Variants in MAP3K8 observed in about 807,000 individuals in gnomAD.
MAP3K8 encodes the protein mitogen-activated protein kinase kinase kinase 8.
A neutral mutation model predicts 45.8 loss-of-function variants in MAP3K8; 22 were observed. The ratio of observed to expected loss-of-function variants is 0.48; its 90% CI spans 0.34 to 0.69. The LOEUF is 0.69. Among genes scored for constraint, MAP3K8 ranks in the 30% least tolerant of loss-of-function variants. The pLI is 0.01. For missense variants in MAP3K8, 419 were observed against 585.0 expected (o/e 0.72, Z 2.93); for synonymous variants, 223 against 214.3 (o/e 1.04, Z -0.36).
In MAP3K8 at chr10:30,439,236, G is replaced by A. The variant is rs780656361; in HGVS notation, c.298G>A (p.Gly100Arg). The change falls in exon 3 of 9, where the codon GGA becomes AGA. Residue 100 changes from glycine (G) to arginine (R), a missense_variant. By Grantham distance (125) the Gly-to-Arg change is moderately radical. Coordinates refer to ENST00000263056, the MANE Select transcript of MAP3K8 (RefSeq NM_005204.4). ...HISNTAKHFY[G>R]QRPQESGILL... ...ATCCAACACTGCAAAGCATTTTTAT[G>A]GACAACGACCACAGGAATCTGGAAT... is the stretch of plus-strand genomic sequence containing the variant. The A allele has an allele frequency of 3.1e-6, 5 of 1,614,150 alleles. No homozygotes were observed. Among genetic ancestry groups the A allele is most frequent in the South Asian group, 1.1e-5 (1 of 91,082 alleles).
At chr10:30,455,742 G>A (rs1029618637) in intron 6 of MAP3K8, among the ~76,000 whole-genome samples, 2 of 152,152 alleles carry the variant, frequency 1.3e-5, no homozygotes, top group African/African-American at 2.4e-5. Flanking sequence ...TGAAGGGTTC[G>A]ATCGCTGACA....
chr10:30,451,128 A>G (rs891380218), intron 5 of MAP3K8, among the ~76,000 whole-genome samples: 3 of 151,952 alleles, frequency 2.0e-5, no homozygotes, highest in Admixed American at 6.6e-5. Flanking sequence ...ACTTAAAAAC[A>G]TACAAACACA....
At chr10:30,445,558 C>T (rs139823748) in intron 3 of MAP3K8, among the ~76,000 whole-genome samples, 5 of 152,212 alleles carry the variant, frequency 3.3e-5, no homozygotes, top group African/African-American at 9.6e-5. Context: ...TGACAAGAAA[C>T]GGAAAATCAG....
chr10:30,454,899 A>T (rs1300113801), intron 6 of MAP3K8, among the ~76,000 whole-genome samples: 2 of 152,164 alleles, frequency 1.3e-5, no homozygotes, highest in Non-Finnish European at 2.9e-5. Context: ...CAGATATGTA[A>T]TATTCCACCA....
At position 30,447,819 on chromosome 10, in the gene MAP3K8, C is replaced by G. The variant is rs764373700; in HGVS notation, c.374C>G (p.Ser125Cys). The G allele has an allele frequency of 1.2e-6, 2 of 1,613,752 alleles. No individual in the cohort carries two copies. Among genetic ancestry groups the G allele is most frequent in the Non-Finnish European group, 1.7e-6 (2 of 1,179,858 alleles). Residue 125 changes from serine to cysteine, a missense_variant, in exon 4 of 9, where the codon TCC becomes TGC. By Grantham distance (112) the Ser-to-Cys change is moderately radical. Around this residue, in one of 3 missense-constraint regions of MAP3K8, gnomAD observed 209 missense variants for 367.3 expected, o/e 0.57. Coordinates refer to ENST00000263056, the MANE Select transcript of MAP3K8 (RefSeq NM_005204.4). Reference protein sequence around the residue: ...TPQNGRYQIDSDVLLIPWKLT... With the variant: ...TPQNGRYQIDCDVLLIPWKLT... ...CAAAATGGACGTTACCAAATAGATT[C>G]CGATGTTCTCCTGATCCCCTGGAAG...
intron 6 of MAP3K8, among the ~76,000 whole-genome samples, chr10:30,452,358 A>G (rs1300910831): frequency 6.6e-6 from 1 of 151,834 alleles, no homozygotes; most frequent in South Asian, 2.1e-4. Context: ...AATCCCAGCT[A>G]CTCGGGAGGC....
At chr10:30,451,500 A>G in intron 5 of MAP3K8, 138 bp from the exon 6 acceptor site, 1 of 484,460 alleles carries the variant, frequency 2.1e-6, no homozygotes, top group Non-Finnish European at 3.7e-6. Flanking sequence ...CCTCTTTTGA[A>G]TATAATACAA....
Position 30,439,117 on chromosome 10 carries a change from C to T in MAP3K8, c.179C>T (p.Ser60Phe). The T allele has an allele frequency of 6.2e-7, 1 of 1,614,200 alleles. No individual in the cohort carries two copies. Among genetic ancestry groups the T allele is most frequent in the Non-Finnish European group, 8.5e-7 (1 of 1,180,028 alleles). The stretch of plus-strand genomic sequence containing the variant: ...GACAGTAATCAAAACGATGAGCGTT[C>T]TAAGTCTCTGCTGCTTAGTGGCCAA... ...CQDSNQNDERSKSLLLSGQEV... is the reference protein window; with the variant it reads ...CQDSNQNDERFKSLLLSGQEV... The change falls in exon 3 of 9, where the codon TCT (serine) becomes TTT (phenylalanine). Residue 60 changes from serine (S) to phenylalanine (F), a missense_variant. Physicochemically the swap from Ser to Phe is radical, Grantham distance 155. This residue lies in a region of MAP3K8 where 102 missense variants were observed against 93.5 expected (regional missense o/e 1.09). Coordinates refer to ENST00000263056, the MANE Select transcript of MAP3K8 (RefSeq NM_005204.4).
rs1414567893 is a variant in MAP3K8 at position 30,460,695 on chromosome 10, T to G, written c.1274-11T>G. 1 of 1,598,872 alleles carries G rather than the reference T, an allele frequency of 6.3e-7. No homozygotes were observed. On this transcript the variant is annotated splice_polypyrimidine_tract_variant and intron_variant, in intron 8 of 8. Coordinates refer to ENST00000263056, the MANE Select transcript of MAP3K8 (RefSeq NM_005204.4). ...TTCTTGTTACTTACTTTGTAATGTT[T>G]TCCTTTTCAGATTCTTCGTGCACAG... is the stretch of plus-strand genomic sequence containing the variant.
rs1836544538 is a variant in MAP3K8, at chr10:30,451,694, G to A, written c.823G>A (p.Val275Ile). Reference protein sequence around the residue: ...KAVLVDFGLSVQMTEDVYFPK... With the variant: ...KAVLVDFGLSIQMTEDVYFPK... ...TGTTTTGGTGGATTTTGGCCTAAGT[G>A]TTCAAATGACCGAAGATGTCTATTT... The change falls in exon 6 of 9, where the codon GTT becomes ATT. Residue 275 changes from valine to isoleucine, a missense_variant. Val to Ile is a conservative substitution (Grantham distance 29, BLOSUM62 3). This residue lies in a region of MAP3K8 where 209 missense variants were observed against 367.3 expected (regional missense o/e 0.57). Coordinates refer to ENST00000263056, the MANE Select transcript of MAP3K8 (RefSeq NM_005204.4). 3 of 1,597,744 alleles carry A rather than the reference G, an allele frequency of 1.9e-6. No individual in the cohort carries two copies. The highest frequency in any genetic ancestry group is 2.6e-6 in the Non-Finnish European group (3 of 1,170,434).
intron 7 of MAP3K8, 32 bp downstream of exon 7, chr10:30,458,268 C>T (rs940318532): frequency 2.7e-5 from 12 of 443,728 alleles, no homozygotes; most frequent in African/African-American, 6.6e-5. Flanking sequence ...CTGGGGGCGG[C>T]GGGGGGGGGC....
At chr10:30,434,782 C>T in intron 1 of MAP3K8, 4 of 985,226 alleles carry the variant, frequency 4.1e-6, no homozygotes, top group African/African-American at 3.5e-5. Flanking sequence ...GGACCCGATC[C>T]TCCCAAATGC....
At chr10:30,458,275 G>GGGT in intron 7 of MAP3K8, 39 bp downstream of exon 7, 1 of 1,356,006 alleles carries the variant, frequency 7.4e-7, no homozygotes, top group East Asian at 2.8e-5. Flanking sequence ...CGGCGGGGGG[G>GGGT]GGCGTTGAGT....
At chr10:30,447,688 T>A in intron 3 of MAP3K8, 94 bp from the exon 4 acceptor site, 1 of 880,016 alleles carries the variant, frequency 1.1e-6, no homozygotes, top group Non-Finnish European at 1.9e-6. Flanking sequence ...TGTATCAGAA[T>A]GCTGCTAAAA....
chr10:30,448,829 A>G (rs572000534), intron 4 of MAP3K8, among the ~76,000 whole-genome samples: 33 of 152,264 alleles, frequency 2.2e-4, no homozygotes, highest in African/African-American at 7.5e-4. Context: ...TGACTCAACA[A>G]TTCCTCTCCT....
In MAP3K8 at chr10:30,456,530, G is replaced by A. The variant is rs564747709; in HGVS notation, c.874-1554G>A. On this transcript the variant is annotated intron_variant, in intron 6 of 8. Transcript: ENST00000263056. The stretch of plus-strand genomic sequence containing the variant: ...AATTACTTACCCTGAAATGTGTTCC[G>A]GAAACACTGACCTCCATTCTCTTAT... Among the ~76,000 whole-genome samples, 7 of 152,128 alleles carry A rather than the reference G, an allele frequency of 4.6e-5. No homozygotes were observed. The South Asian group carries it at 8.3e-4, about 18-fold the overall frequency.
intron 2 of MAP3K8, 121 bp from the exon 3 acceptor site, chr10:30,438,795 C>A: frequency 1.6e-6 from 1 of 611,634 alleles, no homozygotes; most frequent in South Asian, 2.1e-5. Flanking sequence ...TGACACAGAA[C>A]CCTCGTTTTC....
At chr10:30,448,792 A>G (rs149588741) in intron 4 of MAP3K8, among the ~76,000 whole-genome samples, 2 of 152,110 alleles carry the variant, frequency 1.3e-5, no homozygotes, top group Non-Finnish European at 2.9e-5. Context: ...AACTGTATCT[A>G]CATAAGGTGA....
chr10:30,458,216 T>A lies in MAP3K8; in HGVS notation c.1006T>A (p.Tyr336Asn). 1 of 1,454,650 alleles carries A rather than the reference T, an allele frequency of 6.9e-7. No homozygotes were observed. Among genetic ancestry groups the A allele is most frequent in the South Asian group, 1.2e-5 (1 of 85,162 alleles). The allele number at this position is 1,454,650 out of a possible 1,614,324, so 90.1% of individuals were successfully genotyped here. ...PWVKRYPRSA[Y>N]PSYLYIIHKQ... ...GGTGAAGCGCTACCCTCGCTCAGCC[T>A]ATCCCTCCTACCTGTACATAGTAAG... The change falls in exon 7 of 9, where the codon TAT (tyrosine) becomes AAT (asparagine). Residue 336 changes from tyrosine to asparagine, a missense_variant. Tyr to Asn is a moderately radical substitution (Grantham distance 143, BLOSUM62 -2). Transcript: ENST00000263056.
Sources: allele counts gnomAD v4.1 joint callset (sites outside exome capture counted in the v4.1 genomes callset), GRCh38; gene constraint gnomAD v4.1.1; regional missense constraint gnomAD v4.1.1; transcripts MANE v1.5; gene names NCBI Gene and HGNC (gene_info 2026-07-23, HGNC 2026-07-21).